BNC2: variants seen among roughly 807,000 people sequenced by gnomAD.
BNC2 encodes the protein zinc finger protein basonuclin-2.
Under a neutral mutation model 76.3 loss-of-function variants are expected in BNC2, and 20 were observed. The ratio of observed to expected loss-of-function variants is 0.26; its 90% confidence interval spans 0.18 to 0.38. The LOEUF is 0.38. BNC2 is among the 10% of genes least tolerant of loss of function. The pLI, the probability that BNC2 is intolerant of heterozygous loss-of-function variation, is 1.00. For missense variants in BNC2, 1,382 were observed against 1,399.8 expected (o/e 0.99, Z 0.20); for synonymous variants, 582 against 514.8 (o/e 1.13, Z -1.77).
At chr9:16,660,050 A>G (rs1460973724) in intron 3 of BNC2, among the ~76,000 whole-genome samples, 4 of 152,168 alleles carry the variant, frequency 2.6e-5, no homozygotes, top group African/African-American at 4.8e-5. Flanking sequence ...CTCACCCCCA[A>G]ATAAGTTTTA....
At chr9:16,704,586 AC>A (rs1399730683) in intron 3 of BNC2, among the ~76,000 whole-genome samples, 1 of 146,408 alleles carries the variant, frequency 6.8e-6, no homozygotes, top group African/African-American at 2.5e-5. Context: ...AAAAAAAAGT[AC>A]CATTCTAAAG....
chr9:16,782,467 C>T (rs1199741711), intron 1 of BNC2, among the ~76,000 whole-genome samples: 1 of 152,062 alleles, frequency 6.6e-6, no homozygotes, highest in Non-Finnish European at 1.5e-5. Context: ...TATTTGAGTT[C>T]TAGTTGCCTA....
At chr9:16,794,900 GA>G (rs34778689) in intron 1 of BNC2, among the ~76,000 whole-genome samples, 43,085 of 149,124 alleles carry the variant, frequency 0.29, 8,028 homozygotes, top group East Asian at 0.75. Flanking sequence ...TCTGATGGGG[GA>G]AAAAAAAAAC....
In BNC2 at chr9:16,417,875, C is replaced by T. The variant is rs192177035; in HGVS notation, c.*1114G>A. On this transcript the variant is annotated 3_prime_UTR_variant, in exon 7 of 7. Transcript: ENST00000380672. ...ATGCAATGTTGATTCTAATAACATT[C>T]GGCACTTGAAAGAATCACCAAGTGT... The T allele has an allele frequency of 7.9e-5, 12 of 152,714 alleles. No individual in the cohort carries two copies. In the East Asian group the frequency reaches 1.2e-3, roughly 15 times the overall value. 9.5% of individuals were successfully genotyped at this position (152,714 alleles called of 1,614,324 possible).
intron 3 of BNC2, among the ~76,000 whole-genome samples, chr9:16,634,233 G>A (rs1459500745): frequency 1.3e-5 from 2 of 152,140 alleles, no homozygotes; most frequent in Non-Finnish European, 2.9e-5. Flanking sequence ...AAATGTCAAT[G>A]TATTTTTTTC....
chr9:16,618,600 G>C (rs1291814178), intron 3 of BNC2, among the ~76,000 whole-genome samples: 1 of 152,140 alleles, frequency 6.6e-6, no homozygotes, highest in Non-Finnish European at 1.5e-5. Flanking sequence ...TAGGATAAAA[G>C]AATCTACAAG....
chr9:16,509,096 G>C (rs1405305884), intron 5 of BNC2, among the ~76,000 whole-genome samples: 1 of 152,038 alleles, frequency 6.6e-6, no homozygotes, highest in Non-Finnish European at 1.5e-5. Context: ...AAAGCATTGA[G>C]ATTACAACCG....
At chr9:16,507,521 C>T (rs1299632547) in intron 5 of BNC2, among the ~76,000 whole-genome samples, 3 of 152,022 alleles carry the variant, frequency 2.0e-5, no homozygotes, top group Middle Eastern at 3.4e-3. Flanking sequence ...CTCCACCTCC[C>T]GGGTTCAAGC....
intron 6 of BNC2, among the ~76,000 whole-genome samples, chr9:16,433,683 T>C (rs1208322296): frequency 6.6e-6 from 1 of 152,206 alleles, no homozygotes; most frequent in African/African-American, 2.4e-5. Flanking sequence ...GAATTTTACA[T>C]AAATGAAGGC....
At chr9:16,499,388 T>C (rs571467744) in intron 5 of BNC2, among the ~76,000 whole-genome samples, 3 of 152,110 alleles carry the variant, frequency 2.0e-5, no homozygotes, top group South Asian at 4.1e-4. Flanking sequence ...ATATTAATTA[T>C]ATTACTAGAA....
At chr9:16,866,122 G>C (rs969623567) in intron 1 of BNC2, among the ~76,000 whole-genome samples, 1 of 152,018 alleles carries the variant, frequency 6.6e-6, no homozygotes, top group Non-Finnish European at 1.5e-5. Context: ...ATATTAAAGT[G>C]CAATTATGAT....
At chr9:16,586,359 G>C (rs1265773173) in intron 3 of BNC2, among the ~76,000 whole-genome samples, 4 of 152,122 alleles carry the variant, frequency 2.6e-5, no homozygotes, top group African/African-American at 9.7e-5. Flanking sequence ...AGAAATCCAT[G>C]CACCCAGCAA....
intron 5 of BNC2, among the ~76,000 whole-genome samples, chr9:16,494,431 A>T (rs896282118): frequency 6.6e-6 from 1 of 152,064 alleles, no homozygotes; most frequent in Non-Finnish European, 1.5e-5. Flanking sequence ...GATTACAGGC[A>T]TGAGCCACCG....
intron 5 of BNC2, among the ~76,000 whole-genome samples, chr9:16,539,263 T>C (rs1311763960): frequency 6.6e-6 from 1 of 152,042 alleles, no homozygotes; most frequent in Non-Finnish European, 1.5e-5. Context: ...CTGTAACCCC[T>C]AACCCCAACA....
chr9:16,724,332 G>T (rs1362316732), intron 3 of BNC2, among the ~76,000 whole-genome samples: 1 of 151,460 alleles, frequency 6.6e-6, no homozygotes, highest in Non-Finnish European at 1.5e-5. Context: ...CCTCAAGTGT[G>T]ATTAAAAAAA....
chr9:16,513,842 G>C (rs1481073178), intron 5 of BNC2, among the ~76,000 whole-genome samples: 3 of 152,106 alleles, frequency 2.0e-5, no homozygotes, highest in Non-Finnish European at 1.5e-5. Context: ...ATGAACTAGG[G>C]AGTTTCTTAA....
At chr9:16,492,633 T>G (rs1309488065) in intron 5 of BNC2, among the ~76,000 whole-genome samples, 1 of 152,220 alleles carries the variant, frequency 6.6e-6, no homozygotes, top group African/African-American at 2.4e-5. Flanking sequence ...AGAAATCATA[T>G]GATGTATTTC....
chr9:16,500,486 A>C (rs1319978025), intron 5 of BNC2, among the ~76,000 whole-genome samples: 1 of 152,224 alleles, frequency 6.6e-6, no homozygotes, highest in Non-Finnish European at 1.5e-5. Context: ...TAAATAAAAA[A>C]AATCTAGAAT....
At chr9:16,775,107 A>T (rs923328749) in intron 1 of BNC2, among the ~76,000 whole-genome samples, 11 of 152,232 alleles carry the variant, frequency 7.2e-5, no homozygotes, top group African/African-American at 2.7e-4. Flanking sequence ...GGAACTTGCC[A>T]GGAATGCAAA....
Sources: allele counts gnomAD v4.1 joint callset (sites outside exome capture counted in the v4.1 genomes callset), GRCh38; gene constraint gnomAD v4.1.1; transcripts MANE v1.5; gene names NCBI Gene and HGNC (gene_info 2026-07-23, HGNC 2026-07-21).